The following GRB14 variants were observed in gnomAD, a reference collection of about 807,000 sequenced individuals.
GRB14 encodes the protein growth factor receptor bound protein 14.
GRB14 carries 38 observed loss-of-function variants against 69.1 expected under a neutral mutation model. The ratio of observed to expected loss-of-function variants is 0.55; its 90% CI spans 0.42 to 0.72. The LOEUF (loss-of-function observed/expected upper bound fraction) is 0.72, where lower values mean the gene tolerates loss of function less well. GRB14 is among the 30% of genes least tolerant of loss of function. The probability of loss-of-function intolerance (pLI) is 0.00; values close to 1 mark genes in which losing one functional copy is unlikely to be tolerated. For synonymous variants in GRB14, 247 were observed against 241.3 expected (o/e 1.02, Z -0.22); for missense variants, 666 against 666.1 (o/e 1.00, Z 0.00).
At chr2:164,545,533 G>A (rs1361225754) in intron 3 of GRB14, among the ~76,000 whole-genome samples, 1 of 152,146 alleles carries the variant, frequency 6.6e-6, no homozygotes, top group Non-Finnish European at 1.5e-5. Context: ...GAAGAGGCAA[G>A]AAATTAGAGC....
intron 2 of GRB14, among the ~76,000 whole-genome samples, chr2:164,558,567 C>T (rs1688740743): frequency 6.6e-6 from 1 of 152,162 alleles, no homozygotes; most frequent in Non-Finnish European, 1.5e-5. Context: ...AATACTCATG[C>T]AATTCCTGCT....
intron 2 of GRB14, among the ~76,000 whole-genome samples, chr2:164,570,115 A>G (rs1329599393): frequency 1.3e-5 from 2 of 151,914 alleles, no homozygotes; most frequent in South Asian, 4.1e-4. Context: ...CTCTACTAAA[A>G]ATACAAAAAA....
At chr2:164,575,113 C>T (rs1384699480) in intron 2 of GRB14, among the ~76,000 whole-genome samples, 3 of 152,112 alleles carry the variant, frequency 2.0e-5, no homozygotes, top group African/African-American at 4.8e-5. Flanking sequence ...CAACATTCAA[C>T]AGTCAGATTC....
At chr2:164,547,550 A>G in intron 3 of GRB14, 110 bp downstream of exon 3, 1 of 817,670 alleles carries the variant, frequency 1.2e-6, no homozygotes, top group Non-Finnish European at 1.9e-6. Flanking sequence ...CACCTACAAG[A>G]TATAGAAAAT....
At position 164,522,030 on chromosome 2, in the gene GRB14, A is replaced by G. The variant is rs1213331996; in HGVS notation, c.766T>C (p.Phe256Leu). ...QGKKSWKKIY[F>L]FLRRSGLYFS... ...TATAAACCAGATCTTCTTAGAAAAA[A>G]GTAAATTTTTTTCCAAGACTTCTTT... The change falls in exon 6 of 14, where the codon TTT becomes CTT. Residue 256 changes from phenylalanine (F) to leucine (L), a missense_variant. Physicochemically the swap from Phe to Leu is conservative, Grantham distance 22. Transcript: ENST00000263915. 3.1e-6 allele frequency: 5 copies of G among 1,604,820 alleles called. No individual in the cohort carries two copies. In the Admixed American group the frequency reaches 5.0e-5, roughly 16 times the overall value.
At chr2:164,575,994 T>C (rs1283078795) in intron 2 of GRB14, among the ~76,000 whole-genome samples, 4 of 152,134 alleles carry the variant, frequency 2.6e-5, no homozygotes, top group Non-Finnish European at 4.4e-5. Context: ...TGCTCTATTC[T>C]ATGGGAAAGA....
At chr2:164,536,119 C>T (rs1688073885) in intron 3 of GRB14, among the ~76,000 whole-genome samples, 1 of 152,160 alleles carries the variant, frequency 6.6e-6, no homozygotes, top group Admixed American at 6.5e-5. Context: ...AAGCCTATTC[C>T]TTCTATGTAC....
rs1687650497 is a variant in GRB14, at chr2:164,522,136, A to T, written c.679-19T>A. ...GAAACATCTGAAAGAAAATTTATAT[A>T]TTTTCAAACTATGATTAAATCAATG... On this transcript the variant is annotated intron_variant, in intron 5 of 13. Coordinates refer to ENST00000263915, the MANE Select transcript of GRB14 (RefSeq NM_004490.3). The T allele has an allele frequency of 3.5e-6, 5 of 1,426,376 alleles. No individual in the cohort carries two copies. Among genetic ancestry groups the T allele is most frequent in the Non-Finnish European group, 4.9e-6 (5 of 1,029,004 alleles). The allele number at this position is 1,426,376 out of a possible 1,614,324, so 88.4% of individuals were successfully genotyped here.
At chr2:164,518,256 C>T (rs1164146852) in intron 6 of GRB14, among the ~76,000 whole-genome samples, 2 of 152,094 alleles carry the variant, frequency 1.3e-5, no homozygotes, top group African/African-American at 4.8e-5. Context: ...AAATAACCTG[C>T]TCCTGAATGA....
intron 6 of GRB14, among the ~76,000 whole-genome samples, chr2:164,516,650 A>G (rs1316444209): frequency 6.6e-6 from 1 of 152,212 alleles, no homozygotes; most frequent in Non-Finnish European, 1.5e-5. Context: ...TTTCCAGACA[A>G]ACAAGTGCTG....
intron 12 of GRB14, 34 bp downstream of exon 12, chr2:164,496,974 C>T (rs377437500): frequency 1.2e-5 from 18 of 1,513,486 alleles, no homozygotes; most frequent in East Asian, 6.8e-5. Context: ...AAATCCAATT[C>T]ACAAGTACTC....
intron 2 of GRB14, among the ~76,000 whole-genome samples, chr2:164,580,018 A>AT (rs1294070903): frequency 6.6e-6 from 1 of 152,154 alleles, no homozygotes; most frequent in Non-Finnish European, 1.5e-5. Context: ...GACTACACAA[A>AT]TATCTGGAAA....
In GRB14 at chr2:164,497,500, A is replaced by G. The variant is rs762522568; in HGVS notation, c.1105-10T>C. On this transcript the variant is annotated splice_polypyrimidine_tract_variant and intron_variant, in intron 9 of 13. Coordinates refer to ENST00000263915, the MANE Select transcript of GRB14 (RefSeq NM_004490.3). ...TCTCTGATATACTTCTCTGGAAAAA[A>G]GAAACACATTTGAGTTATGAAAATT... 2 of 1,486,444 alleles carry G rather than the reference A, an allele frequency of 1.3e-6. No homozygotes were observed. The highest frequency in any genetic ancestry group is 1.9e-6 in the Non-Finnish European group (2 of 1,078,644). The allele number at this position is 1,486,444 out of a possible 1,614,324, so 92.1% of individuals were successfully genotyped here.
chr2:164,608,482 T>C (rs1355091152), intron 2 of GRB14, among the ~76,000 whole-genome samples: 2 of 151,718 alleles, frequency 1.3e-5, no homozygotes, highest in Non-Finnish European at 2.9e-5. Context: ...AAAATTAAAG[T>C]AATACATTGA....
chr2:164,572,245 G>A (rs1325425249), intron 2 of GRB14, among the ~76,000 whole-genome samples: 5 of 152,172 alleles, frequency 3.3e-5, no homozygotes, highest in African/African-American at 1.2e-4. Context: ...TAATACAAAA[G>A]TACCATCCAA....
chr2:164,561,051 T>C (rs2105322178), intron 2 of GRB14, among the ~76,000 whole-genome samples: 1 of 152,250 alleles, frequency 6.6e-6, no homozygotes, highest in Admixed American at 6.5e-5. Context: ...GAGCCAGCCC[T>C]ACAGACCGCC....
At chr2:164,582,116 G>C (rs571536892) in intron 2 of GRB14, among the ~76,000 whole-genome samples, 26 of 152,056 alleles carry the variant, frequency 1.7e-4, no homozygotes, top group Non-Finnish European at 4.4e-5. Context: ...TATTTAATTG[G>C]CTATTTGATA....
intron 5 of GRB14, 93 bp from the exon 6 acceptor site, chr2:164,522,210 T>C: frequency 1.4e-6 from 1 of 735,212 alleles, no homozygotes. Context: ...TATAAACATG[T>C]AAAAATCACA....
intron 2 of GRB14, among the ~76,000 whole-genome samples, chr2:164,560,702 A>T (rs1051205322): frequency 6.6e-6 from 1 of 152,078 alleles, no homozygotes; most frequent in Non-Finnish European, 1.5e-5. Context: ...TTTTTCTTCA[A>T]ATATTGATAA....
Sources: gnomAD v4.1 joint callset for allele counts (sites outside exome capture counted in the v4.1 genomes callset) on GRCh38, gnomAD v4.1.1 for gene constraint, MANE v1.5 for transcripts, NCBI Gene and HGNC (gene_info 2026-07-23, HGNC 2026-07-21) for gene names.